The following ROBO1 variants were observed in gnomAD, a reference collection of about 807,000 sequenced individuals.
ROBO1 encodes the protein roundabout guidance receptor 1.
In ROBO1, 149 loss-of-function variants were observed where a neutral mutation model predicts 195.9. The observed-to-expected ratio is 0.76, with a 90% CI of 0.67 to 0.87. ROBO1 has a LOEUF of 0.87. ROBO1 is among the 40% of genes least tolerant of loss of function. The pLI is 0.00. For missense variants in ROBO1, 1,933 were observed against 2,068.3 expected, an observed-to-expected ratio of 0.93 and a Z score of 1.27; for synonymous variants, 816 against 733.2, an observed-to-expected ratio of 1.11 and a Z score of -1.82.
intron 2 of ROBO1, among the ~76,000 whole-genome samples, chr3:79,388,363 G>A (rs987707085): frequency 2.0e-5 from 3 of 151,990 alleles, no homozygotes; most frequent in Non-Finnish European, 4.4e-5. Flanking sequence ...TACTGTTATA[G>A]TATCTCTCTC....
chr3:78,771,971 A>T (rs116813107), intron 4 of ROBO1, among the ~76,000 whole-genome samples: 1 of 152,130 alleles, frequency 6.6e-6, no homozygotes, highest in African/African-American at 2.4e-5. Flanking sequence ...AACAAGGACT[A>T]CATTGCAAGG....
intron 1 of ROBO1, among the ~76,000 whole-genome samples, chr3:79,647,522 A>G (rs1945854503): frequency 6.6e-6 from 1 of 152,030 alleles, no homozygotes; most frequent in Non-Finnish European, 1.5e-5. Flanking sequence ...AATTTTCCCC[A>G]CACAGTGACA....
chr3:78,997,757 T>C (rs769439801), intron 3 of ROBO1, among the ~76,000 whole-genome samples: 10 of 152,084 alleles, frequency 6.6e-5, no homozygotes, highest in Non-Finnish European at 1.5e-4. Context: ...ATAAACATCC[T>C]CCTGAAGTGA....
chr3:79,474,578 CCTTA>C (rs1938449912), intron 2 of ROBO1, among the ~76,000 whole-genome samples: 1 of 151,972 alleles, frequency 6.6e-6, no homozygotes, highest in African/African-American at 2.4e-5. Context: ...TAAAACATCT[CCTTA>C]CTTTGTGCTT....
At chr3:79,160,619 C>T (rs775867894) in intron 2 of ROBO1, among the ~76,000 whole-genome samples, 1 of 152,012 alleles carries the variant, frequency 6.6e-6, no homozygotes, top group Non-Finnish European at 1.5e-5. Flanking sequence ...AACACCCTAG[C>T]ATCTTGCTAG....
intron 4 of ROBO1, among the ~76,000 whole-genome samples, chr3:78,753,448 G>A (rs542249266): frequency 6.6e-6 from 1 of 152,288 alleles, no homozygotes. Context: ...GAGAAGGTAA[G>A]TTTGGCATAG....
At chr3:79,648,989 A>G (rs1235876082) in intron 1 of ROBO1, among the ~76,000 whole-genome samples, 1 of 152,092 alleles carries the variant, frequency 6.6e-6, no homozygotes, top group Non-Finnish European at 1.5e-5. Context: ...ATATTTTCAA[A>G]CAACATTTTT....
intron 23 of ROBO1, among the ~76,000 whole-genome samples, chr3:78,635,156 C>A (rs1308753136): frequency 6.6e-6 from 1 of 152,142 alleles, no homozygotes; most frequent in African/African-American, 2.4e-5. Flanking sequence ...CTTCAGGCCA[C>A]AGAATACTAT....
In ROBO1 at chr3:79,593,338, G is replaced by A. The variant is rs530267464; in HGVS notation, c.-50-3377C>T. ...TATTATTGCAAGAAACTGTCAAATTGTCTTTCAAAGTTGTTACAGCATTTG... is the reference window on the plus strand; with the variant it reads ...TATTATTGCAAGAAACTGTCAAATTATCTTTCAAAGTTGTTACAGCATTTG... On this transcript the variant is annotated intron_variant, in intron 1 of 30. Coordinates refer to ENST00000464233, the MANE Select transcript of ROBO1 (RefSeq NM_002941.4). 3.9e-5 allele frequency among the ~76,000 whole-genome samples: 6 copies of A among 152,136 alleles called. No individual in the cohort carries two copies. In the East Asian group the frequency reaches 7.8e-4, roughly 20 times the overall value.
intron 3 of ROBO1, among the ~76,000 whole-genome samples, chr3:79,021,189 T>C (rs996972219): frequency 6.6e-6 from 1 of 152,170 alleles, no homozygotes; most frequent in Non-Finnish European, 1.5e-5. Flanking sequence ...AGTAAAAATA[T>C]GAATGGGCAG....
At chr3:78,886,620 C>T (rs2036587140) in intron 4 of ROBO1, among the ~76,000 whole-genome samples, 1 of 150,862 alleles carries the variant, frequency 6.6e-6, no homozygotes, top group African/African-American at 2.5e-5. Context: ...GTACTCTGCA[C>T]TTGTAAATTA....
At chr3:78,848,929 C>G (rs903055708) in intron 4 of ROBO1, among the ~76,000 whole-genome samples, 1 of 151,982 alleles carries the variant, frequency 6.6e-6, no homozygotes, top group Non-Finnish European at 1.5e-5. Flanking sequence ...ATGATGGTGG[C>G]TCGGTCTACC....
intron 2 of ROBO1, among the ~76,000 whole-genome samples, chr3:79,422,960 C>G (rs887824244): frequency 6.7e-6 from 1 of 149,836 alleles, no homozygotes; most frequent in Non-Finnish European, 1.5e-5. Flanking sequence ...TTTGATACAA[C>G]CTTATTTAGT....
intron 4 of ROBO1, among the ~76,000 whole-genome samples, chr3:78,916,053 C>T (rs931363970): frequency 6.6e-6 from 1 of 151,506 alleles, no homozygotes; most frequent in African/African-American, 2.4e-5. Context: ...AAATCGAGAC[C>T]ATCCTGGCTA....
At chr3:79,446,779 ACTTT>A (rs1446755505) in intron 2 of ROBO1, among the ~76,000 whole-genome samples, 2 of 152,002 alleles carry the variant, frequency 1.3e-5, no homozygotes, top group African/African-American at 2.4e-5. Flanking sequence ...AAAATCCAAC[ACTTT>A]CTTTATAGCT....
intron 2 of ROBO1, among the ~76,000 whole-genome samples, chr3:79,384,798 G>A (rs1559861509): frequency 6.6e-6 from 1 of 151,954 alleles, no homozygotes; most frequent in African/African-American, 2.4e-5. Flanking sequence ...ATAATTACAT[G>A]GGGGTAAACA....
At chr3:78,855,954 A>G (rs1375045753) in intron 4 of ROBO1, among the ~76,000 whole-genome samples, 2 of 152,114 alleles carry the variant, frequency 1.3e-5, no homozygotes, top group African/African-American at 4.8e-5. Context: ...TTACTTTTAC[A>G]TGCTGTTTTT....
At chr3:79,130,042 C>G (rs866240230) in intron 2 of ROBO1, among the ~76,000 whole-genome samples, 204 of 67,692 alleles carry the variant, frequency 3.0e-3, no homozygotes, top group African/African-American at 0.011. Flanking sequence ...TGATCTATAT[C>G]TCTGTTTTGG....
chr3:79,013,190 T>C (rs932552713), intron 3 of ROBO1, among the ~76,000 whole-genome samples: 1 of 152,096 alleles, frequency 6.6e-6, no homozygotes, highest in Non-Finnish European at 1.5e-5. Context: ...CCACAGGCTC[T>C]TCAGTGAGGA....
Sources: allele counts gnomAD v4.1 joint callset (sites outside exome capture counted in the v4.1 genomes callset), GRCh38; gene constraint gnomAD v4.1.1; transcripts MANE v1.5; gene names NCBI Gene and HGNC (gene_info 2026-07-23, HGNC 2026-07-21).